SAXO1: variants seen among roughly 807,000 people sequenced by gnomAD.
SAXO1 encodes the protein stabilizer of axonemal microtubules 1, also known as 4930500O09Rik.
SAXO1 carries 21 observed loss-of-function variants against 17.5 expected under a neutral mutation model. That is an observed-to-expected ratio of 1.20 (90% CI 0.85 to 1.72). The LOEUF (loss-of-function observed/expected upper bound fraction) is 1.72. Ranked by LOEUF, SAXO1 falls within the 40% of genes most tolerant of loss-of-function variation. The pLI is 0.00. For missense variants in SAXO1, 843 were observed against 596.0 expected (o/e 1.41, Z -4.32); for synonymous variants, 274 against 216.5 (o/e 1.27, Z -2.33).
intron 1 of SAXO1, among the ~76,000 whole-genome samples, chr9:18,968,705 T>C (rs1158996698): frequency 1.3e-5 from 2 of 152,070 alleles, no homozygotes; most frequent in Admixed American, 1.3e-4. Flanking sequence ...GTGATTCTCC[T>C]GCCTCAGCCT....
intron 1 of SAXO1, among the ~76,000 whole-genome samples, chr9:18,987,834 C>T (rs997221507): frequency 1.3e-5 from 2 of 150,928 alleles, no homozygotes; most frequent in Admixed American, 6.6e-5. Flanking sequence ...GAGGTTAAGG[C>T]TGCAGTGAGC....
At chr9:18,947,188 G>A (rs748236177) in intron 2 of SAXO1, among the ~76,000 whole-genome samples, 2 of 152,180 alleles carry the variant, frequency 1.3e-5, no homozygotes, top group East Asian at 1.9e-4. Context: ...ATGCCCAGTG[G>A]TACAGCTCTG....
chr9:18,962,064 T>C (rs1193967281), intron 1 of SAXO1, among the ~76,000 whole-genome samples: 1 of 152,106 alleles, frequency 6.6e-6, no homozygotes, highest in Non-Finnish European at 1.5e-5. Context: ...ACGGTTTTTT[T>C]AGTTTTTCTT....
chr9:19,012,823 A>T (rs1478842485), intron 1 of SAXO1, among the ~76,000 whole-genome samples: 2 of 152,244 alleles, frequency 1.3e-5, no homozygotes, highest in Admixed American at 1.3e-4. Context: ...TTCAGTTTAC[A>T]CAGCAGTCTG....
At chr9:19,040,086 C>T (rs1836041177) in intron 1 of SAXO1, among the ~76,000 whole-genome samples, 1 of 152,106 alleles carries the variant, frequency 6.6e-6, no homozygotes, top group South Asian at 2.1e-4. Flanking sequence ...GCACGGTGCA[C>T]TGTGAATCTT....
chr9:18,965,489 CTT>C (rs1442517785), intron 1 of SAXO1, among the ~76,000 whole-genome samples: 2 of 152,122 alleles, frequency 1.3e-5, no homozygotes, highest in Non-Finnish European at 2.9e-5. Context: ...GCATTGATCC[CTT>C]TACCATTATG....
intron 1 of SAXO1, among the ~76,000 whole-genome samples, chr9:19,012,302 T>C (rs1834779972): frequency 6.6e-6 from 1 of 152,264 alleles, no homozygotes; most frequent in Non-Finnish European, 1.5e-5. Context: ...GGTTAAGAGC[T>C]AGTTTTACTT....
At chr9:19,031,101 T>C (rs146312978) in intron 1 of SAXO1, among the ~76,000 whole-genome samples, 2 of 152,230 alleles carry the variant, frequency 1.3e-5, no homozygotes, top group African/African-American at 4.8e-5. Flanking sequence ...ATAACCCTAC[T>C]GCAGGGGCAG....
At position 18,995,342 on chromosome 9, in the gene SAXO1, TC is replaced by T. The variant is rs551588522; in HGVS notation, c.38+37528del. ...CAGTCTCACTTGTGGGATAATTAAT[TC>T]AGGGAACTTTCCAGAGGTCTTAGGT... is the stretch of plus-strand genomic sequence containing the variant. On this transcript the variant is annotated intron_variant, in intron 1 of 3. Coordinates refer to ENST00000380534, the MANE Select transcript of SAXO1 (RefSeq NM_153707.4). Among the ~76,000 whole-genome samples the T allele has an allele frequency of 1.6e-4, 24 of 152,308 alleles. No homozygotes were observed. The East Asian group carries it at 4.4e-3, about 28-fold the overall frequency.
chr9:18,997,187 T>C (rs1834042869), intron 1 of SAXO1, among the ~76,000 whole-genome samples: 1 of 152,228 alleles, frequency 6.6e-6, no homozygotes, highest in African/African-American at 2.4e-5. Flanking sequence ...TTCCCTTTCC[T>C]AACCAAGGGA....
chr9:18,966,899 G>C (rs757444881), intron 1 of SAXO1, among the ~76,000 whole-genome samples: 5 of 152,132 alleles, frequency 3.3e-5, no homozygotes, highest in Non-Finnish European at 7.4e-5. Context: ...TTTAATCTTT[G>C]ATGTTGGTGA....
chr9:19,030,202 A>G (rs1305948856), intron 1 of SAXO1, among the ~76,000 whole-genome samples: 2 of 152,154 alleles, frequency 1.3e-5, no homozygotes, highest in Non-Finnish European at 2.9e-5. Context: ...AAGGGACATC[A>G]GCAGGTCCAC....
chr9:18,963,532 AT>A (rs758248693), intron 1 of SAXO1, among the ~76,000 whole-genome samples: 3 of 151,978 alleles, frequency 2.0e-5, no homozygotes, highest in Non-Finnish European at 2.9e-5. Flanking sequence ...TGTAAGTTGT[AT>A]TCCTAGGTTT....
intron 1 of SAXO1, among the ~76,000 whole-genome samples, chr9:19,022,209 C>A (rs1380128261): frequency 6.6e-6 from 1 of 152,200 alleles, no homozygotes; most frequent in East Asian, 1.9e-4. Flanking sequence ...CAAAGGTCTG[C>A]AGCTCCACTC....
intron 1 of SAXO1, among the ~76,000 whole-genome samples, chr9:19,017,328 G>A (rs574268202): frequency 1.3e-5 from 2 of 152,222 alleles, no homozygotes; most frequent in East Asian, 3.9e-4. Flanking sequence ...CCAAACCTCA[G>A]CATCACACAA....
intron 1 of SAXO1, chr9:19,027,583 G>C (rs536001587): frequency 2.6e-5 from 36 of 1,408,952 alleles, no homozygotes; most frequent in Non-Finnish European, 3.3e-5. Context: ...CCTTCCTAAA[G>C]CTGACTGGCC....
Position 18,930,981 on chromosome 9 carries a change from C to T in SAXO1, c.422-1926G>A, listed in dbSNP as rs570858559. Among the ~76,000 whole-genome samples the T allele has an allele frequency of 2.0e-5, 3 of 152,308 alleles. No individual in the cohort carries two copies. In the East Asian group the frequency reaches 5.8e-4, roughly 29 times the overall value. On this transcript the variant is annotated intron_variant, in intron 3 of 3. Transcript: ENST00000380534. ...CTGCTTCCCAGGAGCCTTGGGTATA[C>T]ACACCAACACTAGTGGAGTCCGCAG...
upstream of SAXO1, among the ~76,000 whole-genome samples, chr9:19,033,700 A>T (rs1293689977): frequency 6.6e-6 from 1 of 152,196 alleles, no homozygotes; most frequent in Non-Finnish European, 1.5e-5. Context: ...GTTCTCAATC[A>T]CTTCTCCAGA....
chr9:19,006,122 A>C (rs537307741), intron 1 of SAXO1, among the ~76,000 whole-genome samples: 16 of 152,324 alleles, frequency 1.1e-4, no homozygotes, highest in African/African-American at 3.1e-4. Context: ...AAAGAAAGAG[A>C]AATGTTGGCA....
Sources: gnomAD v4.1 joint callset for allele counts (sites outside exome capture counted in the v4.1 genomes callset) on GRCh38, gnomAD v4.1.1 for gene constraint, MANE v1.5 for transcripts, NCBI Gene and HGNC (gene_info 2026-07-23, HGNC 2026-07-21) for gene names.